The following FBXL17 variants were observed in gnomAD, a reference collection of about 807,000 sequenced individuals.
FBXL17 encodes the protein F-box and leucine rich repeat protein 17, also known as F-box/LRR-repeat protein 17.
Under a neutral mutation model 66.2 loss-of-function variants are expected in FBXL17, and 22 were observed. That is an observed-to-expected ratio of 0.33 (90% CI 0.24 to 0.47). FBXL17 has a LOEUF of 0.47. Among genes scored for constraint, FBXL17 ranks in the 20% least tolerant of loss-of-function variants. The pLI is 1.00. For synonymous variants in FBXL17, 474 were observed against 400.5 expected, an observed-to-expected ratio of 1.18 and a Z score of -2.19; for missense variants, 878 against 948.2, an observed-to-expected ratio of 0.93 and a Z score of 0.97.
At chr5:108,225,903 G>T (rs1020374409) in intron 4 of FBXL17, among the ~76,000 whole-genome samples, 1 of 152,132 alleles carries the variant, frequency 6.6e-6, no homozygotes, top group African/African-American at 2.4e-5. Context: ...TTTGCTTCTT[G>T]TATCAACTAT....
intron 4 of FBXL17, among the ~76,000 whole-genome samples, chr5:108,333,831 T>G (rs1254996635): frequency 6.6e-6 from 1 of 152,166 alleles, no homozygotes; most frequent in African/African-American, 2.4e-5. Flanking sequence ...AACATAGTAA[T>G]AAGTATTTAT....
At chr5:108,337,193 T>C (rs1054983116) in intron 4 of FBXL17, among the ~76,000 whole-genome samples, 1 of 151,510 alleles carries the variant, frequency 6.6e-6, no homozygotes, top group Non-Finnish European at 1.5e-5. Flanking sequence ...GAGGCAAAGG[T>C]TGCCATGAGC....
At chr5:108,297,092 T>A (rs1441069400) in intron 4 of FBXL17, among the ~76,000 whole-genome samples, 1 of 151,550 alleles carries the variant, frequency 6.6e-6, no homozygotes, top group Non-Finnish European at 1.5e-5. Flanking sequence ...AATTGGATAA[T>A]CTCCACTTAA....
intron 7 of FBXL17, among the ~76,000 whole-genome samples, chr5:107,899,353 C>T (rs1026963939): frequency 4.6e-5 from 7 of 152,096 alleles, no homozygotes; most frequent in African/African-American, 1.7e-4. Flanking sequence ...TGGGGGGAAT[C>T]AAAGAGTTGT....
intron 4 of FBXL17, among the ~76,000 whole-genome samples, chr5:108,276,127 T>G (rs1757472997): frequency 6.6e-6 from 1 of 152,226 alleles, no homozygotes. Flanking sequence ...AAATGCTTAA[T>G]TAATTAGCTG....
chr5:108,201,726 T>G (rs1753902655), intron 5 of FBXL17, among the ~76,000 whole-genome samples: 1 of 152,036 alleles, frequency 6.6e-6, no homozygotes, highest in South Asian at 2.1e-4. Flanking sequence ...TCTGCTGATT[T>G]AGAAATGGGA....
intron 7 of FBXL17, among the ~76,000 whole-genome samples, chr5:107,946,259 AT>A (rs1751279262): frequency 6.2e-5 from 1 of 16,146 alleles, no homozygotes; most frequent in African/African-American, 2.9e-4. Context: ...CTCATTTTAT[AT>A]ATATATATAT....
In FBXL17 at chr5:107,966,512, T is replaced by C. The variant is rs553424009; in HGVS notation, c.1822+54413A>G. Among the ~76,000 whole-genome samples, 21 of 152,236 alleles carry C rather than the reference T, an allele frequency of 1.4e-4. No individual in the cohort carries two copies. The East Asian group carries it at 3.5e-3, about 25-fold the overall frequency. On this transcript the variant is annotated intron_variant, in intron 7 of 8. Coordinates refer to ENST00000542267, the MANE Select transcript of FBXL17 (RefSeq NM_001163315.3). ...TAACTTACACATACTTTTCAAGCAA[T>C]CCCTGTTTCCACTACCCACACCTTC...
chr5:108,124,377 AAC>A (rs1473130761), intron 6 of FBXL17, among the ~76,000 whole-genome samples: 1 of 152,030 alleles, frequency 6.6e-6, no homozygotes, highest in Non-Finnish European at 1.5e-5. Flanking sequence ...CATATTTTTT[AAC>A]ACTTCTGGGC....
intron 6 of FBXL17, among the ~76,000 whole-genome samples, chr5:108,145,469 C>T (rs1279747985): frequency 1.1e-4 from 16 of 152,144 alleles, no homozygotes; most frequent in Non-Finnish European, 2.4e-4. Context: ...CCCCACTAAA[C>T]CAGCTTACTT....
At chr5:108,226,319 T>C (rs1213512965) in intron 4 of FBXL17, among the ~76,000 whole-genome samples, 2 of 152,232 alleles carry the variant, frequency 1.3e-5, no homozygotes, top group Non-Finnish European at 2.9e-5. Flanking sequence ...GTAGAAAATA[T>C]TGAAATAAAT....
intron 6 of FBXL17, among the ~76,000 whole-genome samples, chr5:108,066,617 G>T (rs1266411417): frequency 6.6e-6 from 1 of 151,866 alleles, no homozygotes; most frequent in African/African-American, 2.4e-5. Flanking sequence ...AAATTTGAGG[G>T]CAGAGCCAAA....
chr5:108,009,194 C>CATATATATAT (rs373679985), intron 7 of FBXL17, among the ~76,000 whole-genome samples: 9 of 54,154 alleles, frequency 1.7e-4, no homozygotes, highest in African/African-American at 4.9e-4. Flanking sequence ...ATTTGAAAAG[C>CATATATATAT]ATATATATAT....
Position 108,186,694 on chromosome 5 carries a change from G to A in FBXL17, c.1615-447C>T, listed in dbSNP as rs192881480. On this transcript the variant is annotated intron_variant, in intron 5 of 8. Transcript: ENST00000542267. Reference sequence around the variant, plus strand: ...CTGAGGCAGGGGAATTCTTGAACCCGGGAGGCAGAGGTTGCAGTGAGCCCA... The same window carrying A: ...CTGAGGCAGGGGAATTCTTGAACCCAGGAGGCAGAGGTTGCAGTGAGCCCA... 6.6e-3 allele frequency among the ~76,000 whole-genome samples: 998 copies of A among 151,850 alleles called. 11 individuals are homozygous for A. The highest frequency in any genetic ancestry group is 0.023 in the African/African-American group (944 of 41,382).
chr5:108,150,277 T>C (rs1751719075), intron 6 of FBXL17, among the ~76,000 whole-genome samples: 1 of 152,128 alleles, frequency 6.6e-6, no homozygotes. Flanking sequence ...GTCCCAATCA[T>C]ACTGCAGCTT....
intron 4 of FBXL17, among the ~76,000 whole-genome samples, chr5:108,235,831 T>C (rs116555087): frequency 0.016 from 2,401 of 152,300 alleles, 59 homozygotes; most frequent in African/African-American, 0.055. Flanking sequence ...TTAAAATGAA[T>C]GAATGAAGTA....
At chr5:107,915,358 T>TA (rs1245722629) in intron 7 of FBXL17, among the ~76,000 whole-genome samples, 1 of 151,930 alleles carries the variant, frequency 6.6e-6, no homozygotes, top group Admixed American at 6.6e-5. Flanking sequence ...ATGCCAACAA[T>TA]AAAAAAAAGA....
At chr5:108,182,272 G>C (rs541374215) in intron 6 of FBXL17, among the ~76,000 whole-genome samples, 32 of 152,250 alleles carry the variant, frequency 2.1e-4, no homozygotes, top group African/African-American at 6.7e-4. Context: ...TAGGCTAAAC[G>C]CATTAGTGCA....
intron 4 of FBXL17, among the ~76,000 whole-genome samples, chr5:108,347,186 T>C (rs925732197): frequency 6.6e-6 from 1 of 152,152 alleles, no homozygotes; most frequent in Non-Finnish European, 1.5e-5. Flanking sequence ...GGCCATATGG[T>C]ATAGCTTTTA....
Sources: gnomAD v4.1 joint callset for allele counts (sites outside exome capture counted in the v4.1 genomes callset) on GRCh38, gnomAD v4.1.1 for gene constraint, MANE v1.5 for transcripts, NCBI Gene and HGNC (gene_info 2026-07-23, HGNC 2026-07-21) for gene names.